IZUMO4: variants seen among roughly 807,000 people sequenced by gnomAD.
The protein encoded by IZUMO4 is IZUMO family member 4.
Under a neutral mutation model 37.1 loss-of-function variants are expected in IZUMO4, and 51 were observed. The observed-to-expected ratio is 1.38, with a 90% CI of 1.10 to 1.74. IZUMO4 has a LOEUF of 1.74. Ranked by LOEUF, IZUMO4 falls within the 40% of genes most tolerant of loss-of-function variation. The probability of loss-of-function intolerance (pLI) is 0.00; values close to 1 mark genes in which losing one functional copy is unlikely to be tolerated. For missense variants in IZUMO4, 364 were observed against 299.6 expected (o/e 1.21, Z -1.59); for synonymous variants, 162 against 121.4 (o/e 1.33, Z -2.20).
intron 7 of IZUMO4, 102 bp downstream of exon 7, chr19:2,098,552 T>C: frequency 3.1e-6 from 5 of 1,606,774 alleles, no homozygotes; most frequent in Non-Finnish European, 4.2e-6. Context: ...TCCCACGTCC[T>C]AGAGGGGCTC....
chr19:2,097,806 A>C, intron 3 of IZUMO4, 123 bp from the exon 4 acceptor site: 1 of 1,269,902 alleles, frequency 7.9e-7, no homozygotes, highest in South Asian at 1.3e-5. Context: ...ACATACATGA[A>C]AACCAGGTGA....
chr19:2,096,970 T>A lies in IZUMO4; in HGVS notation c.25T>A (p.Cys9Ser), dbSNP rs917549249. The change falls in exon 1 of 10, where the codon TGC (cysteine) becomes AGC (serine). Residue 9 changes from cysteine (C) to serine (S), a missense_variant. Transcript: ENST00000395301. ...CATGGCCCTGCTGCTGTGCCTGGTG[T>A]GCCTGACGGCGGCGCTGGCCCACGG... Reference protein sequence around the residue: MALLLCLVCLTAALAHGCL... With the variant: MALLLCLVSLTAALAHGCL... 14 of 1,607,778 alleles carry A rather than the reference T, an allele frequency of 8.7e-6. No individual in the cohort carries two copies. The African/African-American group carries it at 9.3e-5, about 11-fold the overall frequency.
intron 3 of IZUMO4, 61 bp from the exon 4 acceptor site, chr19:2,097,868 G>A: frequency 6.2e-7 from 1 of 1,600,598 alleles, no homozygotes; most frequent in South Asian, 1.1e-5. Flanking sequence ...AGGGTTGGGA[G>A]GAGGCAGGAC....
At chr19:2,099,131 G>A in intron 9 of IZUMO4, 102 bp downstream of exon 9, 1 of 1,401,378 alleles carries the variant, frequency 7.1e-7, no homozygotes, top group Non-Finnish European at 1.0e-6. Flanking sequence ...AGGCACGAGG[G>A]TGTCGTGGAT....
At position 2,098,446 on chromosome 19, in the gene IZUMO4, C is replaced by G; in HGVS notation, c.532C>G (p.His178Asp). 6.2e-7 allele frequency: 1 copy of G among 1,613,914 alleles called. No homozygotes were observed. The highest frequency in any genetic ancestry group is 8.5e-7 in the Non-Finnish European group (1 of 1,180,026). Residue 178 changes from histidine (H) to aspartate (D), a missense_variant, in exon 7 of 10, where the codon CAC (histidine) becomes GAC (aspartate). His to Asp is a moderately conservative substitution (Grantham distance 81). Coordinates refer to ENST00000395301, the MANE Select transcript of IZUMO4 (RefSeq NM_001039846.2). ...QGLLNYINNWHKQDTSMRPRS... is the reference protein window; with the variant it reads ...QGLLNYINNWDKQDTSMRPRS... ...CCACTGTCTTTGTAGAAATAACTGG[C>G]ACAAGTAAGTCCCCTCCTCAAACCA...
At position 2,099,420 on chromosome 19, in the gene IZUMO4, C is replaced by T. The variant is rs918136787; in HGVS notation, c.*75C>T. On this transcript the variant is annotated 3_prime_UTR_variant, in exon 10 of 10. Transcript: ENST00000395301. ...ACAGCCCCTGCCTGTCACTCTGGAG[C>T]TGGGCTGCTGCTGCCTCAGGACCCC... 9 of 903,988 alleles carry T rather than the reference C, an allele frequency of 1.0e-5. No homozygotes were observed. Among genetic ancestry groups the T allele is most frequent in the Non-Finnish European group, 1.1e-5 (7 of 620,462 alleles). The allele number at this position is 903,988 out of a possible 1,614,324, so 56.0% of individuals were successfully genotyped here. A position where few individuals can be genotyped will look rare whatever the true frequency, so the allele number is the denominator to read the frequency against.
Position 2,097,417 on chromosome 19 carries a change from G to T in IZUMO4, c.299-7G>T, listed in dbSNP as rs116274260. 9.9e-3 allele frequency: 15,454 copies of T among 1,565,018 alleles called. 361 individuals are homozygous for T. Among genetic ancestry groups the T allele is most frequent in the African/African-American group, 0.097 (7,122 of 73,092 alleles). Reference sequence around the variant, plus strand: ...GAGCCTGACCTTCTCCTGCCTCGACGACTCAGGGTATTTCCCCAACGAGCT... The same window carrying T: ...GAGCCTGACCTTCTCCTGCCTCGACTACTCAGGGTATTTCCCCAACGAGCT... On this transcript the variant is annotated splice_polypyrimidine_tract_variant and splice_region_variant and intron_variant, in intron 2 of 9. Coordinates refer to ENST00000395301, the MANE Select transcript of IZUMO4 (RefSeq NM_001039846.2).
intron 7 of IZUMO4, 59 bp downstream of exon 7, chr19:2,098,509 A>G: frequency 1.2e-6 from 2 of 1,611,924 alleles, no homozygotes; most frequent in Non-Finnish European, 1.7e-6. Context: ...CTCGTGGGTG[A>G]GTATGTGTGG....
intron 5 of IZUMO4, 32 bp from the exon 6 acceptor site, chr19:2,098,255 G>A (rs767647005): frequency 1.2e-6 from 2 of 1,613,498 alleles, no homozygotes; most frequent in Non-Finnish European, 1.7e-6. Flanking sequence ...GTGGGTTCAG[G>A]GGCGCACCAC....
At position 2,098,050 on chromosome 19, in the gene IZUMO4, A is replaced by G; in HGVS notation, c.398-2A>G. The G allele has an allele frequency of 6.2e-7, 1 of 1,613,322 alleles. No individual in the cohort carries two copies. ...CCCTGGCGGCTCTTGTACGTGTTTC[A>G]GGCATCTTCCAGTACGAGACCATCT... On this transcript the variant is annotated splice_acceptor_variant, in intron 4 of 9. Coordinates refer to ENST00000395301, the MANE Select transcript of IZUMO4 (RefSeq NM_001039846.2). LOFTEE classifies it high-confidence loss of function.
At chr19:2,097,398 G>A (rs372602042) in intron 2 of IZUMO4, 26 bp from the exon 3 acceptor site, 1 of 1,609,846 alleles carries the variant, frequency 6.2e-7, no homozygotes, top group Non-Finnish European at 8.5e-7. Flanking sequence ...GCCTGAGCCT[G>A]ACCTTCTCCT....
rs372167894 is a variant in IZUMO4 at position 2,099,373 on chromosome 19, G to A, written c.*28G>A. The A allele has an allele frequency of 5.2e-4, 800 of 1,524,698 alleles. 3 individuals are homozygous for A. The Middle Eastern group carries it at 6.3e-3, about 12-fold the overall frequency. 94.4% of individuals were successfully genotyped at this position (1,524,698 alleles called of 1,614,324 possible). ...GCAGCTGGGCCTGCCCCAGGGCAAC[G>A]TGGGGGCGGAGACTCAGCTGGACAG... is the stretch of plus-strand genomic sequence containing the variant. On this transcript the variant is annotated 3_prime_UTR_variant, in exon 10 of 10. Transcript: ENST00000395301.
chr19:2,099,531 G>A lies in IZUMO4; in HGVS notation c.*186G>A, dbSNP rs543729086. The A allele has an allele frequency of 4.2e-4, 250 of 593,376 alleles. 2 individuals are homozygous for A. Among genetic ancestry groups the A allele is most frequent in the African/African-American group, 2.1e-3 (112 of 53,892 alleles). 36.8% of individuals were successfully genotyped at this position (593,376 alleles called of 1,614,324 possible). On this transcript the variant is annotated 3_prime_UTR_variant, in exon 10 of 10. Coordinates refer to ENST00000395301, the MANE Select transcript of IZUMO4 (RefSeq NM_001039846.2). ...GGGGTGGGCTGTGCGCAGCATCAGC[G>A]CCTGGGCAGGTCCGCAGAGCTGCGG...
At chr19:2,098,734 C>T (rs563079161) in intron 7 of IZUMO4, 53 bp from the exon 8 acceptor site, 265 of 1,601,590 alleles carry the variant, frequency 1.7e-4, no homozygotes, top group Non-Finnish European at 1.9e-4. Flanking sequence ...GGGTTCCCTA[C>T]GATGGTTAGG....
In IZUMO4 at chr19:2,097,328, C is replaced by T. The variant is rs750442887; in HGVS notation, c.294C>T (p.Phe98=). ...AGCTGTACCAGGGGAAGATGTACTT[C>T]CCCGGTAAGGGGCGCGAAACCGAGG... is the stretch of plus-strand genomic sequence containing the variant. ...MDQLYQGKMY[F]PGYFPNELRN... Residue 98 remains phenylalanine, a synonymous_variant, in exon 2 of 10, where the codon TTC becomes TTT. Transcript: ENST00000395301. 2 of 1,612,688 alleles carry T rather than the reference C, an allele frequency of 1.2e-6. No homozygotes were observed. The highest frequency in any genetic ancestry group is 1.1e-5 in the South Asian group (1 of 91,068).
Position 2,097,945 on chromosome 19 carries a change from G to T in IZUMO4, c.387G>T (p.Gln129His). The T allele has an allele frequency of 6.2e-7, 1 of 1,613,194 alleles. No homozygotes were observed. Among genetic ancestry groups the T allele is most frequent in the Non-Finnish European group, 8.5e-7 (1 of 1,179,992 alleles). The change falls in exon 4 of 10, where the codon CAG (glutamine) becomes CAT (histidine). Residue 129 changes from glutamine to histidine, a missense_variant. Gln to His is a conservative substitution (Grantham distance 24, BLOSUM62 0). Coordinates refer to ENST00000395301, the MANE Select transcript of IZUMO4 (RefSeq NM_001039846.2). ...NAIIESRIDC[Q>H]HRCGIFQYET... ...CTCCCACAGGCCGCATCGACTGTCA[G>T]CACCGCTGTGGTAAGCAAGGCTCCG...
rs551374004 is a variant in IZUMO4, at chr19:2,099,163, C to T, written c.609-92C>T. ...GGATGTGGCCACACATAGGACCACACGTCCCAGCTGGGAGGAGAGGCCTGG... is the reference window on the plus strand; with the variant it reads ...GGATGTGGCCACACATAGGACCACATGTCCCAGCTGGGAGGAGAGGCCTGG... On this transcript the variant is annotated intron_variant, in intron 9 of 9. Coordinates refer to ENST00000395301, the MANE Select transcript of IZUMO4 (RefSeq NM_001039846.2). 4.2e-5 allele frequency: 58 copies of T among 1,389,722 alleles called. No individual in the cohort carries two copies. The East Asian group carries it at 6.0e-4, about 14-fold the overall frequency. 86.1% of individuals were successfully genotyped at this position (1,389,722 alleles called of 1,614,324 possible). A position where few individuals can be genotyped will look rare whatever the true frequency, so the allele number is the denominator to read the frequency against.
rs563630390 is a variant in IZUMO4, at chr19:2,099,520, G to A, written c.*175G>A. On this transcript the variant is annotated 3_prime_UTR_variant, in exon 10 of 10. Coordinates refer to ENST00000395301, the MANE Select transcript of IZUMO4 (RefSeq NM_001039846.2). ...GGGAGGGAATGGGGGTGGGCTGTGC[G>A]CAGCATCAGCGCCTGGGCAGGTCCG... is the stretch of plus-strand genomic sequence containing the variant. 394 of 597,886 alleles carry A rather than the reference G, an allele frequency of 6.6e-4. 2 individuals carry two copies. The highest frequency in any genetic ancestry group is 1.2e-3 in the South Asian group (65 of 52,252). 37.0% of individuals were successfully genotyped at this position (597,886 alleles called of 1,614,324 possible).
rs548951702 is a variant in IZUMO4, at chr19:2,099,379, G to A, written c.*34G>A. On this transcript the variant is annotated 3_prime_UTR_variant, in exon 10 of 10. Transcript: ENST00000395301. ...GGGCCTGCCCCAGGGCAACGTGGGG[G>A]CGGAGACTCAGCTGGACAGCCCCTG... 98 of 1,480,470 alleles carry A rather than the reference G, an allele frequency of 6.6e-5. No homozygotes were observed. Among genetic ancestry groups the A allele is most frequent in the South Asian group, 2.9e-4 (25 of 84,780 alleles). 91.7% of individuals were successfully genotyped at this position (1,480,470 alleles called of 1,614,324 possible). A position where few individuals can be genotyped will look rare whatever the true frequency, so the allele number is the denominator to read the frequency against.
Sources: allele counts gnomAD v4.1 joint callset, GRCh38; gene constraint gnomAD v4.1.1; transcripts MANE v1.5; gene names NCBI Gene and HGNC (gene_info 2026-07-23, HGNC 2026-07-21).